PIKFYVE: variants seen among roughly 807,000 people sequenced by gnomAD.
The protein encoded by PIKFYVE is phosphoinositide kinase, FYVE-type zinc finger containing.
Under a neutral mutation model 257.9 loss-of-function variants are expected in PIKFYVE, and 122 were observed. That is an observed-to-expected ratio of 0.47 (90% CI 0.41 to 0.55). PIKFYVE has a LOEUF of 0.55. Ranked by LOEUF, PIKFYVE falls within the 20% of genes least tolerant of loss-of-function variation. PIKFYVE has a pLI of 0.00. For synonymous variants in PIKFYVE, 892 were observed against 868.9 expected, an observed-to-expected ratio of 1.03 and a Z score of -0.47; for missense variants, 2,160 against 2,536.6, an observed-to-expected ratio of 0.85 and a Z score of 3.19.
At chr2:208,313,511 C>G (rs1417494229) in intron 13 of PIKFYVE, among the ~76,000 whole-genome samples, 2 of 151,632 alleles carry the variant, frequency 1.3e-5, no homozygotes, top group Admixed American at 1.3e-4. Flanking sequence ...CTTGAAAATT[C>G]ATCACTCTCG....
At chr2:208,339,934 A>G (rs1489923584) in intron 30 of PIKFYVE, 77 bp from the exon 31 acceptor site, 54 of 1,526,162 alleles carry the variant, frequency 3.5e-5, no homozygotes, top group Non-Finnish European at 4.6e-5. Flanking sequence ...TCCGAAAGGA[A>G]AAGAACCAAA....
rs76352153 is a variant in PIKFYVE, at chr2:208,320,947, T to C, written c.2190+588T>C. The stretch of plus-strand genomic sequence containing the variant: ...CTCTCCCCAGGGAGGCACACCCGCA[T>C]CTCTGTGTGGTTCTTGGTAGCTTTG... On this transcript the variant is annotated intron_variant, in intron 17 of 41. Transcript: ENST00000264380. 3.3e-3 allele frequency among the ~76,000 whole-genome samples: 510 copies of C among 152,334 alleles called. 3 individuals are homozygous for C. Among genetic ancestry groups the C allele is most frequent in the African/African-American group, 0.012 (494 of 41,572 alleles).
At chr2:208,314,161 C>A in intron 13 of PIKFYVE, 133 bp from the exon 14 acceptor site, 1 of 942,852 alleles carries the variant, frequency 1.1e-6, no homozygotes, top group Non-Finnish European at 1.6e-6. Flanking sequence ...CATGTTCTTG[C>A]CTTTTTACAC....
intron 15 of PIKFYVE, 94 bp downstream of exon 15, chr2:208,315,467 C>A (rs1440597003): frequency 2.6e-5 from 37 of 1,438,578 alleles, no homozygotes; most frequent in Non-Finnish European, 3.3e-5. Flanking sequence ...AGAGTCATTA[C>A]CCTGAGGGGT....
rs147611852 is a variant in PIKFYVE at position 208,304,866 on chromosome 2, C to T, written c.1489C>T (p.Arg497Cys). Reference protein sequence around the residue: ...NLANSASPSKRTSVSSFQSTV... With the variant: ...NLANSASPSKCTSVSSFQSTV... ...AAAAGATTCTGCCAGTCCTAGCAAG[C>T]GCACATCAGTCAGCAGTTTCCAGTC... Residue 497 changes from arginine to cysteine, a missense_variant, in exon 12 of 42, where the codon CGC becomes TGC. Around this residue, in one of 12 missense-constraint regions of PIKFYVE, gnomAD observed 346 missense variants for 365.6 expected, o/e 0.95. Transcript: ENST00000264380. 37 of 1,614,004 alleles carry T rather than the reference C, an allele frequency of 2.3e-5. No homozygotes were observed. The highest frequency in any genetic ancestry group is 4.0e-5 in the African/African-American group (3 of 74,904).
At position 208,271,680 on chromosome 2, in the gene PIKFYVE, G is replaced by A. The variant is rs377663312; in HGVS notation, c.161G>A (p.Arg54His). 33 of 1,612,912 alleles carry A rather than the reference G, an allele frequency of 2.0e-5. No individual in the cohort carries two copies. The highest frequency in any genetic ancestry group is 2.5e-5 in the Non-Finnish European group (29 of 1,179,172). Residue 54 changes from arginine to histidine, a missense_variant, in exon 2 of 42, where the codon CGT (arginine) becomes CAT (histidine). Arg to His is a conservative substitution (Grantham distance 29, BLOSUM62 0). This residue lies in a region of PIKFYVE where 172 missense variants were observed against 180.6 expected (regional missense o/e 0.95). Transcript: ENST00000264380. ...TATAGTTCTTTTGTAAATCTCTTTC[G>A]TTTTAACAAAGGTAAGACTTATTAA... is the stretch of plus-strand genomic sequence containing the variant. ...SAYSSFVNLFRFNKERAEGGQ... is the reference protein window; with the variant it reads ...SAYSSFVNLFHFNKERAEGGQ...
At chr2:208,320,501 C>A in intron 17 of PIKFYVE, 142 bp downstream of exon 17, 2 of 943,462 alleles carry the variant, frequency 2.1e-6, no homozygotes, top group Non-Finnish European at 3.2e-6. Context: ...CTCTGTCACT[C>A]ATTATTTTTA....
intron 3 of PIKFYVE, among the ~76,000 whole-genome samples, chr2:208,276,128 T>TAGGAC (rs1309379828): frequency 6.6e-6 from 1 of 152,210 alleles, no homozygotes; most frequent in Non-Finnish European, 1.5e-5. Flanking sequence ...TGCTTGGACA[T>TAGGAC]AGGTCAGGTT....
At chr2:208,354,758 AT>A in intron 41 of PIKFYVE, 113 bp downstream of exon 41, 1 of 838,522 alleles carries the variant, frequency 1.2e-6, no homozygotes, top group Non-Finnish European at 2.0e-6. Context: ...GTTATCATTG[AT>A]TTCATTGTCA....
chr2:208,298,231 A>G (rs910189826), intron 7 of PIKFYVE, among the ~76,000 whole-genome samples: 1 of 152,122 alleles, frequency 6.6e-6, no homozygotes, highest in Admixed American at 6.5e-5. Context: ...ATTTAATTTC[A>G]TTCTTTATAT....
chr2:208,350,432 A>C (rs1006460642), intron 36 of PIKFYVE, among the ~76,000 whole-genome samples: 1 of 152,180 alleles, frequency 6.6e-6, no homozygotes, highest in Non-Finnish European at 1.5e-5. Flanking sequence ...TGTACAGTAC[A>C]TTTTAAGATA....
Position 208,354,010 on chromosome 2 carries a change from AC to A in PIKFYVE, c.5960del (p.Pro1987LeufsTer12), listed in dbSNP as rs1330494034. 6.2e-7 allele frequency: 1 copy of A among 1,614,048 alleles called. No individual in the cohort carries two copies. The highest frequency in any genetic ancestry group is 1.3e-5 in the African/African-American group (1 of 75,038). On this transcript the variant is annotated frameshift_variant, in exon 40 of 42. Coordinates refer to ENST00000264380, the MANE Select transcript of PIKFYVE (RefSeq NM_015040.4). LOFTEE classifies it high-confidence loss of function. Reference protein sequence around the residue: ...DENLLKMVRDNPLYIRSHSKA... With the variant: ...DENLLKMVRDXPLYIRSHSKA... ...AATCTCCTAAAGATGGTTCGAGACA[AC>A]CCTCTATATATTCGTTCTCATTCCA...
intron 17 of PIKFYVE, among the ~76,000 whole-genome samples, chr2:208,322,024 G>T (rs557402705): frequency 1.3e-5 from 2 of 152,064 alleles, no homozygotes; most frequent in Non-Finnish European, 2.9e-5. Context: ...TTTATTCAGA[G>T]ATCCAGAAAA....
chr2:208,291,757 A>C (rs1323043637), intron 7 of PIKFYVE, among the ~76,000 whole-genome samples: 1 of 151,970 alleles, frequency 6.6e-6, no homozygotes, highest in African/African-American at 2.4e-5. Flanking sequence ...TGATCTTTTC[A>C]AAGAACCAGC....
In PIKFYVE at chr2:208,347,942, T is replaced by C. The variant is rs1187906596; in HGVS notation, c.5293T>C (p.Leu1765=). 3.7e-6 allele frequency: 6 copies of C among 1,613,886 alleles called. No homozygotes were observed. The highest frequency in any genetic ancestry group is 5.1e-6 in the Non-Finnish European group (6 of 1,179,886). The change falls in exon 35 of 42, where the codon TTA becomes CTA. Residue 1765 remains leucine, a synonymous_variant. Transcript: ENST00000264380. ...PDLSSQKRET[L]RGADSAYYQV... is the part of the protein sequence containing the mutation. ...TCTCTCTTCCCAGAAGAGAGAGACC[T>C]TACGTGGAGCAGATAGTGCTTACTA...
intron 5 of PIKFYVE, among the ~76,000 whole-genome samples, chr2:208,281,498 T>G (rs773948876): frequency 1.3e-5 from 2 of 152,220 alleles, no homozygotes; most frequent in Non-Finnish European, 2.9e-5. Context: ...TCTTCTGGAG[T>G]GTAGTGCACC....
At chr2:208,286,413 A>C (rs1323061919) in intron 6 of PIKFYVE, among the ~76,000 whole-genome samples, 1 of 152,120 alleles carries the variant, frequency 6.6e-6, no homozygotes, top group Non-Finnish European at 1.5e-5. Flanking sequence ...AGTATACTGC[A>C]CTGCTACTTC....
rs1698190666 is a variant in PIKFYVE, at chr2:208,336,859, G to C, written c.4542G>C (p.Gln1514His). 2 of 1,612,860 alleles carry C rather than the reference G, an allele frequency of 1.2e-6. No individual in the cohort carries two copies. The highest frequency in any genetic ancestry group is 4.5e-5 in the East Asian group (2 of 44,754). Residue 1514 changes from glutamine (Q) to histidine (H), a missense_variant, in exon 28 of 42, where the codon CAG (glutamine) becomes CAC (histidine). Physicochemically the swap from Gln to His is conservative, Grantham distance 24. Coordinates refer to ENST00000264380, the MANE Select transcript of PIKFYVE (RefSeq NM_015040.4). Reference protein sequence around the residue: ...WNNRLQDLFQQEKGRKRPSVP... With the variant: ...WNNRLQDLFQHEKGRKRPSVP... ...ACAGGTTGCAGGACCTTTTCCAACA[G>C]GAAAAGGGTAGAAAGAGACCTTCAG...
intron 24 of PIKFYVE, 99 bp from the exon 25 acceptor site, chr2:208,335,207 C>A: frequency 1.2e-6 from 1 of 821,600 alleles, no homozygotes; most frequent in Non-Finnish European, 2.1e-6. Flanking sequence ...AACTTTTCCT[C>A]TTATGCCTCA....
Sources: allele counts gnomAD v4.1 joint callset (sites outside exome capture counted in the v4.1 genomes callset), GRCh38; gene constraint gnomAD v4.1.1; regional missense constraint gnomAD v4.1.1; transcripts MANE v1.5; gene names NCBI Gene and HGNC (gene_info 2026-07-23, HGNC 2026-07-21).